The following USP25 variants were observed in gnomAD, a reference collection of about 807,000 sequenced individuals.
USP25 encodes ubiquitin specific peptidase 25.
In USP25, 85 loss-of-function variants were observed where a neutral mutation model predicts 158.5. The ratio of observed to expected loss-of-function variants is 0.54; its 90% CI spans 0.45 to 0.64. USP25 has a LOEUF of 0.64. Ranked by LOEUF, USP25 falls within the 30% of genes least tolerant of loss-of-function variation. The pLI is 0.00. For synonymous variants in USP25, 464 were observed against 460.4 expected (o/e 1.01, Z -0.10); for missense variants, 1,242 against 1,327.3 (o/e 0.94, Z 1.00).
Position 15,766,297 on chromosome 21 carries a change from A to G in USP25, c.268+156A>G, listed in dbSNP as rs917665460. Among the ~76,000 whole-genome samples the G allele has an allele frequency of 7.2e-5, 11 of 152,076 alleles. No individual in the cohort carries two copies. The highest frequency in any genetic ancestry group is 3.3e-4 in the Admixed American group (5 of 15,234). ...AATGTAGTTGAAAGGAACATACATT[A>G]TCTTTTTCAGATTATAAGGAAAAGA... On this transcript the variant is annotated intron_variant, in intron 3 of 25. Coordinates refer to ENST00000400183, the MANE Select transcript of USP25 (RefSeq NM_001283041.3). The surrounding 1 kb of genome is among the most constrained non-coding windows in gnomAD (Gnocchi z 4.0).
At chr21:15,823,330 AG>A (rs1198932319) in intron 10 of USP25, among the ~76,000 whole-genome samples, 1 of 151,452 alleles carries the variant, frequency 6.6e-6, no homozygotes, top group African/African-American at 2.4e-5. Context: ...TTAATTGAAC[AG>A]TTACCAAAGC....
chr21:15,780,955 C>T (rs574503516), intron 4 of USP25, among the ~76,000 whole-genome samples: 32 of 152,260 alleles, frequency 2.1e-4, no homozygotes, highest in African/African-American at 7.2e-4. Flanking sequence ...ATCGAATAAC[C>T]ATCAAACCAT....
intron 19 of USP25, among the ~76,000 whole-genome samples, chr21:15,849,418 A>G (rs2038783451): frequency 6.6e-6 from 1 of 152,152 alleles, no homozygotes; most frequent in Non-Finnish European, 1.5e-5. Context: ...GAGCTCTCTG[A>G]GGCTTGAGGA....
chr21:15,838,843 A>G (rs1001797610), intron 17 of USP25, among the ~76,000 whole-genome samples: 1 of 152,168 alleles, frequency 6.6e-6, no homozygotes, highest in African/African-American at 2.4e-5. Flanking sequence ...TGACCTTCTT[A>G]AAAGATTGAA....
At chr21:15,802,213 T>G (rs1277573222) in intron 6 of USP25, among the ~76,000 whole-genome samples, 1 of 151,556 alleles carries the variant, frequency 6.6e-6, no homozygotes, top group African/African-American at 2.4e-5. Context: ...GACAAATATT[T>G]CAAAATAAAG....
intron 10 of USP25, among the ~76,000 whole-genome samples, chr21:15,822,048 T>G (rs930807188): frequency 6.6e-6 from 1 of 151,946 alleles, no homozygotes; most frequent in Non-Finnish European, 1.5e-5. Flanking sequence ...TTTAGAGATA[T>G]GGAGAATGAC....
At chr21:15,824,869 G>C (rs2037420450) in intron 11 of USP25, 97 bp from the exon 12 acceptor site, 2 of 923,470 alleles carry the variant, frequency 2.2e-6, no homozygotes, top group Non-Finnish European at 3.4e-6. Context: ...TCCCGCCTTG[G>C]CGTCCCAGAG....
chr21:15,808,760 T>A (rs141423317), intron 7 of USP25, 49 bp from the exon 8 acceptor site: 5 of 900,710 alleles, frequency 5.6e-6, no homozygotes, highest in African/African-American at 5.2e-5. Context: ...ACATCTAGTA[T>A]TTTTTTTTTA....
rs2040218868 is a variant in USP25 at position 15,879,623 on chromosome 21, A to C, written c.*1148A>C. 1 of 152,588 alleles carries C rather than the reference A, an allele frequency of 6.6e-6. No individual in the cohort carries two copies. Among genetic ancestry groups the C allele is most frequent in the Admixed American group, 6.5e-5 (1 of 15,276 alleles). 9.5% of individuals were successfully genotyped at this position (152,588 alleles called of 1,614,324 possible). On this transcript the variant is annotated 3_prime_UTR_variant, in exon 26 of 26. Transcript: ENST00000400183. ...AAATCAAAATCCATACTTTAAAGGT[A>C]ATCATGTTACTAACAACCTATTTTT...
At chr21:15,767,848 ATG>A (rs1347606397) in intron 3 of USP25, among the ~76,000 whole-genome samples, 26 of 152,116 alleles carry the variant, frequency 1.7e-4, no homozygotes, top group African/African-American at 6.3e-4. Flanking sequence ...AATTAGGATT[ATG>A]TGTGTCCTGC....
intron 3 of USP25, among the ~76,000 whole-genome samples, chr21:15,776,865 A>G (rs1023616396): frequency 6.6e-6 from 1 of 152,226 alleles, no homozygotes; most frequent in East Asian, 1.9e-4. Flanking sequence ...AAAATAAGCA[A>G]ATAACTAAAA....
intron 8 of USP25, among the ~76,000 whole-genome samples, chr21:15,810,099 C>G (rs936011858): frequency 2.0e-5 from 3 of 152,028 alleles, no homozygotes; most frequent in African/African-American, 7.2e-5. Flanking sequence ...CTTAACATTA[C>G]CGAACTGTAC....
chr21:15,825,050 A>G lies in USP25; in HGVS notation c.1293A>G (p.Gln431=). The change falls in exon 12 of 26, where the codon CAA becomes CAG. Residue 431 remains glutamine, a synonymous_variant. Transcript: ENST00000400183. ...AAGATTACCTCACGGTATTACAACAAAGGCTAGAAAGGTATTTTAACTTTT... is the reference window on the plus strand; with the variant it reads ...AAGATTACCTCACGGTATTACAACAGAGGCTAGAAAGGTATTTTAACTTTT... ...RLKDYLTVLQ[Q]RLERYLSYGS... 6.3e-7 allele frequency: 1 copy of G among 1,598,018 alleles called. No homozygotes were observed. The highest frequency in any genetic ancestry group is 1.1e-5 in the South Asian group (1 of 88,496).
Position 15,818,845 on chromosome 21 carries a change from A to T in USP25, c.1079A>T (p.Glu360Val), listed in dbSNP as rs1228492471. Residue 360 changes from glutamate to valine, a missense_variant and splice_region_variant, in exon 10 of 26, where the codon GAG becomes GTG. This residue lies in a region of USP25 where 627 missense variants were observed against 701.4 expected (regional missense o/e 0.89). Coordinates refer to ENST00000400183, the MANE Select transcript of USP25 (RefSeq NM_001283041.3). ...HSENSGKSGQ[E>V]HWFTELPPVL... ...GAGAATTCAGGAAAATCAGGCCAAG[A>T]GGTGAGTTTAACATTTTCATTGTCC... 6.2e-7 allele frequency: 1 copy of T among 1,613,524 alleles called. No individual in the cohort carries two copies. Among genetic ancestry groups the T allele is most frequent in the Admixed American group, 1.7e-5 (1 of 60,004 alleles).
rs2037485745 is a variant in USP25, at chr21:15,826,057, C to T, written c.1305-147C>T. 1 of 914,340 alleles carries T rather than the reference C, an allele frequency of 1.1e-6. No homozygotes were observed. The highest frequency in any genetic ancestry group is 1.6e-6 in the Non-Finnish European group (1 of 627,878). 56.6% of individuals were successfully genotyped at this position (914,340 alleles called of 1,614,324 possible). ...TTAATGTTTTTCTTAAGTGTATATTCAGTTTTACCATCTTCGTTTTAAAGC... is the reference window on the plus strand; with the variant it reads ...TTAATGTTTTTCTTAAGTGTATATTTAGTTTTACCATCTTCGTTTTAAAGC... On this transcript the variant is annotated intron_variant, in intron 12 of 25. Transcript: ENST00000400183. The surrounding 1 kb of genome is among the most constrained non-coding windows in gnomAD (Gnocchi z 4.8).
At chr21:15,760,619 A>G (rs1328440759) in intron 1 of USP25, among the ~76,000 whole-genome samples, 1 of 152,258 alleles carries the variant, frequency 6.6e-6, no homozygotes, top group East Asian at 1.9e-4. Flanking sequence ...TATTTTATAC[A>G]TAAATTGTCA....
intron 1 of USP25, among the ~76,000 whole-genome samples, chr21:15,761,955 C>T (rs897610885): frequency 5.9e-5 from 9 of 152,242 alleles, no homozygotes; most frequent in Middle Eastern, 3.4e-3. Context: ...TAGACCTGTA[C>T]GGGTTCGCCA....
At chr21:15,737,528 C>T (rs2031636866) in intron 1 of USP25, among the ~76,000 whole-genome samples, 2 of 151,952 alleles carry the variant, frequency 1.3e-5, no homozygotes, top group African/African-American at 4.8e-5. Flanking sequence ...CATCTTGAAT[C>T]CTCTGTTCAT....
intron 17 of USP25, among the ~76,000 whole-genome samples, chr21:15,838,693 TC>T (rs1337955710): frequency 2.6e-5 from 4 of 152,106 alleles, no homozygotes; most frequent in Admixed American, 1.3e-4. Context: ...TAAATCTTCT[TC>T]AGTGTGAACG....
Sources: gnomAD v4.1 joint callset for allele counts (sites outside exome capture counted in the v4.1 genomes callset) on GRCh38, gnomAD v4.1.1 for gene constraint, gnomAD v4.1.1 regional missense constraint, Gnocchi (gnomAD v3.1) non-coding constraint, MANE v1.5 for transcripts, NCBI Gene and HGNC (gene_info 2026-07-23, HGNC 2026-07-21) for gene names.